The following ZSWIM6 variants were observed in gnomAD, a reference collection of about 807,000 sequenced individuals.
ZSWIM6 encodes the protein zinc finger SWIM-type containing 6, also known as zinc finger SWIM domain-containing protein 6.
A neutral mutation model predicts 113.2 loss-of-function variants in ZSWIM6; 9 were observed. That is an observed-to-expected ratio of 0.08 (90% CI 0.05 to 0.14). The LOEUF (loss-of-function observed/expected upper bound fraction) is 0.14. Ranked by LOEUF, ZSWIM6 falls within the 10% of genes least tolerant of loss-of-function variation. The pLI is 1.00. For missense variants in ZSWIM6, 1,162 were observed against 1,552.2 expected (o/e 0.75, Z 4.22); for synonymous variants, 611 against 606.5 (o/e 1.01, Z -0.11).
intron 1 of ZSWIM6, among the ~76,000 whole-genome samples, chr5:61,469,701 C>A (rs1370777110): frequency 6.6e-6 from 1 of 151,970 alleles, no homozygotes; most frequent in Non-Finnish European, 1.5e-5. Flanking sequence ...TAAGGCCTCC[C>A]CCCAACCTTT....
chr5:61,334,465 C>A (rs1385686520), intron 1 of ZSWIM6, among the ~76,000 whole-genome samples: 1 of 152,174 alleles, frequency 6.6e-6, no homozygotes, highest in African/African-American at 2.4e-5. Context: ...TTAACTTAAT[C>A]CTTTTTCTCT....
intron 1 of ZSWIM6, among the ~76,000 whole-genome samples, chr5:61,449,788 AG>A (rs1218115041): frequency 6.6e-6 from 1 of 150,632 alleles, no homozygotes; most frequent in African/African-American, 2.4e-5. Context: ...TCTCCTTGTA[AG>A]GGTGGGTACT....
At chr5:61,538,370 A>G (rs541386256) in intron 10 of ZSWIM6, among the ~76,000 whole-genome samples, 1 of 152,214 alleles carries the variant, frequency 6.6e-6, no homozygotes, top group Non-Finnish European at 1.5e-5. Context: ...TTAAGTACTC[A>G]CTGCTTCCTG....
At chr5:61,389,885 A>G (rs1745668579) in intron 1 of ZSWIM6, among the ~76,000 whole-genome samples, 2 of 152,192 alleles carry the variant, frequency 1.3e-5, no homozygotes, top group African/African-American at 2.4e-5. Context: ...AAAAGAGTGC[A>G]TGTAGTTTTT....
At chr5:61,335,568 A>G (rs145454402) in intron 1 of ZSWIM6, among the ~76,000 whole-genome samples, 158 of 152,344 alleles carry the variant, frequency 1.0e-3, no homozygotes, top group African/African-American at 3.6e-3. Flanking sequence ...TTTGAGGTAG[A>G]ACGCTTTTGT....
intron 1 of ZSWIM6, among the ~76,000 whole-genome samples, chr5:61,432,908 C>T (rs1306769029): frequency 1.3e-5 from 2 of 152,164 alleles, no homozygotes; most frequent in East Asian, 3.8e-4. Context: ...CCCTTACCCT[C>T]ATATAATTTA....
At chr5:61,513,350 A>G (rs1241777009) in intron 4 of ZSWIM6, among the ~76,000 whole-genome samples, 1 of 152,016 alleles carries the variant, frequency 6.6e-6, no homozygotes, top group Non-Finnish European at 1.5e-5. Flanking sequence ...GAGTTTTGAG[A>G]GGATTTACAT....
At chr5:61,357,382 A>G (rs1198696033) in intron 1 of ZSWIM6, among the ~76,000 whole-genome samples, 4 of 152,100 alleles carry the variant, frequency 2.6e-5, no homozygotes, top group Admixed American at 6.5e-5. Context: ...GCCAGGGTTC[A>G]CCTCAGGAGA....
chr5:61,479,330 G>A (rs931395711), intron 2 of ZSWIM6, among the ~76,000 whole-genome samples: 2 of 151,948 alleles, frequency 1.3e-5, no homozygotes, highest in Non-Finnish European at 2.9e-5. Context: ...TCTTAATTAG[G>A]AGGAATTACA....
chr5:61,517,860 A>G (rs560389672), intron 4 of ZSWIM6, among the ~76,000 whole-genome samples: 33 of 151,362 alleles, frequency 2.2e-4, no homozygotes, highest in Middle Eastern at 6.9e-3. Flanking sequence ...TTAGTTACAT[A>G]TGTATACATG....
intron 1 of ZSWIM6, among the ~76,000 whole-genome samples, chr5:61,367,576 G>A (rs1745185406): frequency 6.6e-6 from 1 of 152,178 alleles, no homozygotes; most frequent in South Asian, 2.1e-4. Context: ...GTTGAGAAGT[G>A]CAAGAACATT....
intron 1 of ZSWIM6, among the ~76,000 whole-genome samples, chr5:61,461,341 C>G (rs7732866): frequency 0.14 from 21,520 of 152,196 alleles, 1,653 homozygotes; most frequent in Non-Finnish European, 0.18. Flanking sequence ...TTTTAGAAAT[C>G]ATTCATTATC....
At chr5:61,427,482 TA>T (rs1380139896) in intron 1 of ZSWIM6, among the ~76,000 whole-genome samples, 4 of 152,256 alleles carry the variant, frequency 2.6e-5, no homozygotes, top group African/African-American at 9.6e-5. Flanking sequence ...CTCCCCCAGA[TA>T]TTTTTTTTCT....
intron 2 of ZSWIM6, among the ~76,000 whole-genome samples, chr5:61,482,567 A>C (rs1747901886): frequency 6.6e-6 from 1 of 152,228 alleles, no homozygotes; most frequent in Non-Finnish European, 1.5e-5. Flanking sequence ...TGTTGTAGAC[A>C]TTAAATTTCC....
intron 2 of ZSWIM6, among the ~76,000 whole-genome samples, chr5:61,484,870 G>A (rs16891744): frequency 0.03 from 4,621 of 152,220 alleles, 226 homozygotes; most frequent in African/African-American, 0.1. Flanking sequence ...AGAATCTGGA[G>A]ACTGGATTTA....
chr5:61,522,976 G>A (rs1749172400), intron 5 of ZSWIM6, among the ~76,000 whole-genome samples: 1 of 152,178 alleles, frequency 6.6e-6, no homozygotes, highest in Admixed American at 6.5e-5. Flanking sequence ...GTAAGAAATG[G>A]TCCAGCCTCC....
At chr5:61,398,909 GTTGT>G (rs1745891015) in intron 1 of ZSWIM6, among the ~76,000 whole-genome samples, 1 of 120,366 alleles carries the variant, frequency 8.3e-6, no homozygotes, top group Non-Finnish European at 1.7e-5. Context: ...GTTGTGTATA[GTTGT>G]TTTTTTTTTT....
At chr5:61,439,687 TAA>T (rs1746784253) in intron 1 of ZSWIM6, among the ~76,000 whole-genome samples, 1 of 152,180 alleles carries the variant, frequency 6.6e-6, no homozygotes, top group Non-Finnish European at 1.5e-5. Flanking sequence ...ACAATGATGC[TAA>T]GAGTGTTCTT....
In ZSWIM6 at chr5:61,371,658, A is replaced by G. The variant is rs111342380; in HGVS notation, c.676+38710A>G. On this transcript the variant is annotated intron_variant, in intron 1 of 13. Coordinates refer to ENST00000252744, the MANE Select transcript of ZSWIM6 (RefSeq NM_020928.2). ...TCGGGATCACGTGGCTTTGTGTACC[A>G]GGCGTCCAGGGAGCAATTAGGAGGG... Among the ~76,000 whole-genome samples, 118 of 152,312 alleles carry G rather than the reference A, an allele frequency of 7.7e-4. 2 individuals are homozygous for G. Among genetic ancestry groups the G allele is most frequent in the African/African-American group, 1.7e-3 (71 of 41,558 alleles).
Sources: gnomAD v4.1 joint callset for allele counts (sites outside exome capture counted in the v4.1 genomes callset) on GRCh38, gnomAD v4.1.1 for gene constraint, MANE v1.5 for transcripts, NCBI Gene and HGNC (gene_info 2026-07-23, HGNC 2026-07-21) for gene names.